DVL3: variants seen among roughly 807,000 people sequenced by gnomAD.
DVL3 encodes segment polarity protein dishevelled homolog DVL-3.
DVL3 carries 27 observed loss-of-function variants against 67.4 expected under a neutral mutation model. The observed-to-expected ratio is 0.40, with a 90% CI of 0.30 to 0.55. DVL3 has a LOEUF of 0.55. DVL3 is among the 20% of genes least tolerant of loss of function. The probability of loss-of-function intolerance (pLI) is 0.46; values close to 1 mark genes in which losing one functional copy is unlikely to be tolerated. For synonymous variants in DVL3, 369 were observed against 396.8 expected (o/e 0.93, Z 0.83); for missense variants, 819 against 1,021.5 (o/e 0.80, Z 2.70).
Position 184,165,564 on chromosome 3 carries a change from C to G in DVL3, c.763+73C>G. On this transcript the variant is annotated intron_variant, in intron 7 of 14. Coordinates refer to ENST00000313143, the MANE Select transcript of DVL3 (RefSeq NM_004423.4). This position sits in a 1 kb window ranked among gnomAD's most constrained non-coding sequence, Gnocchi z 4.1. ...ACTGGGCAGACTTGAGTTCAGAGAG[C>G]GTAGAATATGTTCCCTGCCCTCAAG... The G allele has an allele frequency of 7.4e-7, 1 of 1,360,468 alleles. No individual in the cohort carries two copies. Among genetic ancestry groups the G allele is most frequent in the Non-Finnish European group, 1.0e-6 (1 of 952,892 alleles). 84.3% of individuals were successfully genotyped at this position (1,360,468 alleles called of 1,614,324 possible). A position where few individuals can be genotyped will look rare whatever the true frequency, so the allele number is the denominator to read the frequency against.
intron 1 of DVL3, among the ~76,000 whole-genome samples, chr3:184,161,714 C>CCTCACT (rs1577046368): frequency 6.6e-6 from 1 of 152,318 alleles, no homozygotes; most frequent in East Asian, 1.9e-4. Context: ...ACATCATTGT[C>CCTCACT]CTCCAGCACC....
At chr3:184,160,027 C>T (rs1714327245) in intron 1 of DVL3, among the ~76,000 whole-genome samples, 1 of 151,878 alleles carries the variant, frequency 6.6e-6, no homozygotes, top group Non-Finnish European at 1.5e-5. Context: ...GCAAGCTCCG[C>T]CTCCTGGGTT....
chr3:184,165,465 A>G lies in DVL3; in HGVS notation c.737A>G (p.Asn246Ser), dbSNP rs201329929. The G allele has an allele frequency of 9.8e-5, 158 of 1,613,952 alleles. No homozygotes were observed. Among genetic ancestry groups the G allele is most frequent in the Non-Finnish European group, 8.3e-5 (98 of 1,179,996 alleles). ...SSITDSTMSL[N>S]IITVTLNMEK... Reference sequence around the variant, plus strand: ...ATCACGGACTCCACCATGTCACTCAACATCATCACGGTCACTCTCAACATG... The same window carrying G: ...ATCACGGACTCCACCATGTCACTCAGCATCATCACGGTCACTCTCAACATG... Residue 246 changes from asparagine to serine, a missense_variant, in exon 7 of 15, where the codon AAC (asparagine) becomes AGC (serine). By Grantham distance (46) the Asn-to-Ser change is conservative (BLOSUM62 1). Transcript: ENST00000313143. This position sits in a 1 kb window ranked among gnomAD's most constrained non-coding sequence, Gnocchi z 4.1.
rs1340340607 is a variant in DVL3 at position 184,170,440 on chromosome 3, C to T, written c.1836C>T (p.Ser612=). Reference sequence around the variant, plus strand: ...AATCGGACCACACCACACGCAGCAGCCTGCGGGGGCCGCGGGAGCGGGCGC... The same window carrying T: ...AATCGGACCACACCACACGCAGCAGTCTGCGGGGGCCGCGGGAGCGGGCGC... ...GSESDHTTRS[S]LRGPRERAPS... is the part of the protein sequence containing the mutation. Residue 612 remains serine (S), a synonymous_variant, in exon 15 of 15, where the codon AGC becomes AGT. Coordinates refer to ENST00000313143, the MANE Select transcript of DVL3 (RefSeq NM_004423.4). This position sits in a 1 kb window ranked among gnomAD's most constrained non-coding sequence, Gnocchi z 6.5. The T allele has an allele frequency of 3.2e-6, 5 of 1,585,986 alleles. No homozygotes were observed. The African/African-American group carries it at 5.4e-5, about 17-fold the overall frequency.
Position 184,155,457 on chromosome 3 carries a change from G to C in DVL3, c.-179G>C, listed in dbSNP as rs1178251991. 1.1e-5 allele frequency: 2 copies of C among 174,746 alleles called. No homozygotes were observed. Among genetic ancestry groups the C allele is most frequent in the Non-Finnish European group, 2.2e-5 (2 of 89,186 alleles). 10.8% of individuals were successfully genotyped at this position (174,746 alleles called of 1,614,324 possible). ...AGTGGGGAGCGGAAGCGGCGGCCGC[G>C]GCGGCGGCGGGCGGCGCTGGGACCC... On this transcript the variant is annotated 5_prime_UTR_variant, in exon 1 of 15. Transcript: ENST00000313143. The surrounding 1 kb of genome is among the most constrained non-coding windows in gnomAD (Gnocchi z 5.4).
In DVL3 at chr3:184,168,084, T is replaced by C. The variant is rs747573721; in HGVS notation, c.1498+19T>C. 6.2e-7 allele frequency: 1 copy of C among 1,604,940 alleles called. No homozygotes were observed. The highest frequency in any genetic ancestry group is 1.1e-5 in the South Asian group (1 of 90,676). On this transcript the variant is annotated intron_variant, in intron 13 of 14. Coordinates refer to ENST00000313143, the MANE Select transcript of DVL3 (RefSeq NM_004423.4). ...TGCGGCAGTATGTGCCTCCCTCATCTTCTTGCCCTGTCTCCTGGCTGGGAG... is the reference window on the plus strand; with the variant it reads ...TGCGGCAGTATGTGCCTCCCTCATCCTCTTGCCCTGTCTCCTGGCTGGGAG...
In DVL3 at chr3:184,171,078, G is replaced by T; in HGVS notation, c.*323G>T. The T allele has an allele frequency of 8.0e-7, 1 of 1,254,104 alleles. No individual in the cohort carries two copies. The allele number at this position is 1,254,104 out of a possible 1,614,324, so 77.7% of individuals were successfully genotyped here. On this transcript the variant is annotated 3_prime_UTR_variant, in exon 15 of 15. Coordinates refer to ENST00000313143, the MANE Select transcript of DVL3 (RefSeq NM_004423.4). ...CCCCTCTGCAACCCCCATTTTGGGA[G>T]TTGACCCCAGCAATGACCTTGGTGG...
chr3:184,170,614 C>T lies in DVL3; in HGVS notation c.2010C>T (p.Pro670=). ...PLYGPPMLMM[P]PPPAAMGPPG... is the part of the protein sequence containing the mutation. Reference sequence around the variant, plus strand: ...ACGGCCCCCCCATGCTGATGATGCCCCCGCCGCCCGCGGCCATGGGGCCCC... The same window carrying T: ...ACGGCCCCCCCATGCTGATGATGCCTCCGCCGCCCGCGGCCATGGGGCCCC... The change falls in exon 15 of 15, where the codon CCC becomes CCT. Residue 670 remains proline (P), a synonymous_variant. Coordinates refer to ENST00000313143, the MANE Select transcript of DVL3 (RefSeq NM_004423.4). The surrounding 1 kb of genome is among the most constrained non-coding windows in gnomAD (Gnocchi z 6.5). 13 of 1,608,406 alleles carry T rather than the reference C, an allele frequency of 8.1e-6. No homozygotes were observed. Among genetic ancestry groups the T allele is most frequent in the Non-Finnish European group, 1.0e-5 (12 of 1,176,928 alleles).
chr3:184,155,565 C>A lies in DVL3; in HGVS notation c.-71C>A, dbSNP rs1166749508. 7.2e-6 allele frequency: 7 copies of A among 969,898 alleles called. No individual in the cohort carries two copies. In the East Asian group the frequency reaches 5.0e-4, roughly 69 times the overall value. 60.1% of individuals were successfully genotyped at this position (969,898 alleles called of 1,614,324 possible). On this transcript the variant is annotated 5_prime_UTR_variant, in exon 1 of 15. Transcript: ENST00000313143. This position sits in a 1 kb window ranked among gnomAD's most constrained non-coding sequence, Gnocchi z 5.4. ...GCCGCTGGGCCGCGCCGCGCGCCGC[C>A]GCCGTCTGGGAGGCTCGGCCCGGCC...
In DVL3 at chr3:184,164,743, C is replaced by G; in HGVS notation, c.464-53C>G. The G allele has an allele frequency of 6.2e-7, 1 of 1,612,020 alleles. No individual in the cohort carries two copies. The highest frequency in any genetic ancestry group is 8.5e-7 in the Non-Finnish European group (1 of 1,178,626). On this transcript the variant is annotated intron_variant, in intron 4 of 14. Transcript: ENST00000313143. This position sits in a 1 kb window ranked among gnomAD's most constrained non-coding sequence, Gnocchi z 5.3. The stretch of plus-strand genomic sequence containing the variant: ...AGCCCCTGGCTTGCCTCTCTCCCTC[C>G]TTCACCCCTGCACTGGGCACTGTGT...
Position 184,155,644 on chromosome 3 carries a change from G to T in DVL3, c.9G>T (p.Glu3Asp). The T allele has an allele frequency of 6.3e-7, 1 of 1,593,006 alleles. No homozygotes were observed. Residue 3 changes from glutamate (E) to aspartate (D), a missense_variant, in exon 1 of 15, where the codon GAG becomes GAT. Glu to Asp is a conservative substitution (Grantham distance 45). Around this residue, in one of 3 missense-constraint regions of DVL3, gnomAD observed 385 missense variants for 486.8 expected, o/e 0.79. Transcript: ENST00000313143. The surrounding 1 kb of genome is among the most constrained non-coding windows in gnomAD (Gnocchi z 5.4). MGETKIIYHLDGQ... is the reference protein window; with the variant it reads MGDTKIIYHLDGQ... Reference sequence around the variant, plus strand: ...GGCCCGAGGCCAGAGCCATGGGCGAGACCAAGATCATCTACCACTTGGATG... The same window carrying T: ...GGCCCGAGGCCAGAGCCATGGGCGATACCAAGATCATCTACCACTTGGATG...
chr3:184,166,401 T>C lies in DVL3; in HGVS notation c.904-45T>C. On this transcript the variant is annotated intron_variant, in intron 8 of 14. Transcript: ENST00000313143. This position sits in a 1 kb window ranked among gnomAD's most constrained non-coding sequence, Gnocchi z 6.7. ...CCTACCAAGTTGAGTTCCCTTTTCATCCTCCCCAGCACAGCTGTTTATCCC... is the reference window on the plus strand; with the variant it reads ...CCTACCAAGTTGAGTTCCCTTTTCACCCTCCCCAGCACAGCTGTTTATCCC... 1.9e-6 allele frequency: 3 copies of C among 1,613,124 alleles called. No individual in the cohort carries two copies. Among genetic ancestry groups the C allele is most frequent in the Non-Finnish European group, 2.5e-6 (3 of 1,179,264 alleles).
Position 184,166,520 on chromosome 3 carries a change from G to A in DVL3, c.978G>A (p.Pro326=), listed in dbSNP as rs186597752. The A allele has an allele frequency of 1.3e-5, 21 of 1,614,042 alleles. No individual in the cohort carries two copies. Among genetic ancestry groups the A allele is most frequent in the Middle Eastern group, 3.3e-4 (2 of 6,084 alleles). The change falls in exon 9 of 15, where the codon CCG becomes CCA. Residue 326 remains proline (P), a splice_region_variant and synonymous_variant. Transcript: ENST00000313143. The surrounding 1 kb of genome is among the most constrained non-coding windows in gnomAD (Gnocchi z 6.7). ...VRVLREIVHK[P]GPITLTVAKC... ...TACTGCGGGAGATTGTGCACAAACCGGGGTATGGATGGAATGGGGCACTGG... is the reference window on the plus strand; with the variant it reads ...TACTGCGGGAGATTGTGCACAAACCAGGGTATGGATGGAATGGGGCACTGG...
Position 184,170,383 on chromosome 3 carries a change from C to T in DVL3, c.1779C>T (p.Ala593=), listed in dbSNP as rs749974329. Residue 593 remains alanine (A), a synonymous_variant, in exon 15 of 15, where the codon GCC becomes GCT. Transcript: ENST00000313143. The surrounding 1 kb of genome is among the most constrained non-coding windows in gnomAD (Gnocchi z 6.5). ...GGAGGAAGGAGAAGGACCCGAAGGC[C>T]GGGGACTCCAAGTCCGGGGGCAGCG... ...SDRRKEKDPK[A]GDSKSGGSGS... The T allele has an allele frequency of 1.9e-6, 3 of 1,605,214 alleles. No homozygotes were observed. Among genetic ancestry groups the T allele is most frequent in the Non-Finnish European group, 2.6e-6 (3 of 1,176,176 alleles).
In DVL3 at chr3:184,163,106, CG is replaced by C. The variant is rs1714440900; in HGVS notation, c.162-550del. ...TTTGCCATGTTAGCCAGGCTGGTCTCGTACTCCTGACCTCAGGGTGATCTGC... is the reference window on the plus strand; with the variant it reads ...TTTGCCATGTTAGCCAGGCTGGTCTCTACTCCTGACCTCAGGGTGATCTGC... On this transcript the variant is annotated intron_variant, in intron 1 of 14. Coordinates refer to ENST00000313143, the MANE Select transcript of DVL3 (RefSeq NM_004423.4). This position sits in a 1 kb window ranked among gnomAD's most constrained non-coding sequence, Gnocchi z 4.5. Among the ~76,000 whole-genome samples, 2 of 152,064 alleles carry C rather than the reference CG, an allele frequency of 1.3e-5. No individual in the cohort carries two copies.
intron 13 of DVL3, 133 bp downstream of exon 13, chr3:184,168,198 G>A: frequency 9.7e-7 from 1 of 1,027,064 alleles, no homozygotes; most frequent in Non-Finnish European, 1.4e-6. Flanking sequence ...AGGCCTGAGA[G>A]TTCTATGGTG....
In DVL3 at chr3:184,164,659, C is replaced by A; in HGVS notation, c.463+58C>A. ...CCTCACACCCTCCCCTCACTTTCCACCCAGCTACCCACCTTCTTGCCCTAC... is the reference window on the plus strand; with the variant it reads ...CCTCACACCCTCCCCTCACTTTCCAACCAGCTACCCACCTTCTTGCCCTAC... On this transcript the variant is annotated intron_variant, in intron 4 of 14. Coordinates refer to ENST00000313143, the MANE Select transcript of DVL3 (RefSeq NM_004423.4). The surrounding 1 kb of genome is among the most constrained non-coding windows in gnomAD (Gnocchi z 5.3). 6.4e-7 allele frequency: 1 copy of A among 1,551,348 alleles called. No homozygotes were observed. The highest frequency in any genetic ancestry group is 8.7e-7 in the Non-Finnish European group (1 of 1,143,846).
At chr3:184,162,880 G>A (rs1448533932) in intron 1 of DVL3, among the ~76,000 whole-genome samples, 1 of 152,218 alleles carries the variant, frequency 6.6e-6, no homozygotes, top group Non-Finnish European at 1.5e-5. Flanking sequence ...TGGTCACGGG[G>A]CATGTAGTTT....
At position 184,163,638 on chromosome 3, in the gene DVL3, C is replaced by T. The variant is rs2109020604; in HGVS notation, c.162-19C>T. 1 of 1,612,286 alleles carries T rather than the reference C, an allele frequency of 6.2e-7. No homozygotes were observed. The highest frequency in any genetic ancestry group is 8.5e-7 in the Non-Finnish European group (1 of 1,178,448). ...TTGCACCCTAGAAGGTTCTCTGTGA[C>T]ATCCCCCTTTCTCTGCAGAGTGGTG... On this transcript the variant is annotated intron_variant, in intron 1 of 14. Transcript: ENST00000313143. This position sits in a 1 kb window ranked among gnomAD's most constrained non-coding sequence, Gnocchi z 4.5.
Sources: gnomAD v4.1 joint callset for allele counts (sites outside exome capture counted in the v4.1 genomes callset) on GRCh38, gnomAD v4.1.1 for gene constraint, gnomAD v4.1.1 regional missense constraint, Gnocchi (gnomAD v3.1) non-coding constraint, MANE v1.5 for transcripts, NCBI Gene and HGNC (gene_info 2026-07-23, HGNC 2026-07-21) for gene names.